Variants in TEP1 observed in about 807,000 individuals in gnomAD.
TEP1 encodes telomerase protein component 1.
TEP1 carries 241 observed loss-of-function variants against 306.3 expected under a neutral mutation model. The ratio of observed to expected loss-of-function variants is 0.79; its 90% confidence interval spans 0.71 to 0.88. The LOEUF is 0.88. Among genes scored for constraint, TEP1 ranks in the 40% least tolerant of loss-of-function variants. TEP1 has a pLI of 0.00. For synonymous variants in TEP1, 1,289 were observed against 1,305.5 expected, an observed-to-expected ratio of 0.99 and a Z score of 0.27; for missense variants, 3,051 against 3,276.1, an observed-to-expected ratio of 0.93 and a Z score of 1.68.
chr14:20,382,538 A>T lies in TEP1; in HGVS notation c.4140+85T>A, dbSNP rs2139060134. 7.0e-6 allele frequency: 11 copies of T among 1,564,874 alleles called. 2 individuals carry two copies. In the South Asian group the frequency reaches 1.2e-4, roughly 17 times the overall value. On this transcript the variant is annotated intron_variant, in intron 28 of 54. Coordinates refer to ENST00000262715, the MANE Select transcript of TEP1 (RefSeq NM_007110.5). The stretch of plus-strand genomic sequence containing the variant: ...GGGAGTGGGTGATCACAAGACAGCA[A>T]AGGACGTGGGATAGGGATGAGACAA...
intron 15 of TEP1, 150 bp from the exon 16 acceptor site, chr14:20,389,890 T>G: frequency 9.2e-7 from 1 of 1,083,492 alleles, no homozygotes; most frequent in Non-Finnish European, 1.3e-6. Flanking sequence ...AGCCACTGCA[T>G]TTTAACTTAC....
rs1324122219 is a variant in TEP1 at position 20,382,321 on chromosome 14, G to T, written c.4176C>A (p.Val1392=). The change falls in exon 29 of 55, where the codon GTC becomes GTA. Residue 1392 remains valine, a synonymous_variant. Coordinates refer to ENST00000262715, the MANE Select transcript of TEP1 (RefSeq NM_007110.5). The part of the protein sequence containing the change: ...SERLRTLPAT[V]PLLLQHILST... ...TCAGGATGTGCTGCAGCAGCAGGGG[G>T]ACAGTGGCAGGCAGGGTCCGGAGTC... The T allele has an allele frequency of 3.1e-6, 5 of 1,613,372 alleles. No homozygotes were observed. The South Asian group carries it at 4.4e-5, about 14-fold the overall frequency.
chr14:20,406,766 G>GA (rs1879210737), intron 2 of TEP1, among the ~76,000 whole-genome samples: 1 of 152,230 alleles, frequency 6.6e-6, no homozygotes, highest in Non-Finnish European at 1.5e-5. Context: ...TCCCCCAGCA[G>GA]CCTTGGGCTG....
intron 41 of TEP1, 50 bp downstream of exon 41, chr14:20,377,227 AAAG>A: frequency 6.2e-6 from 9 of 1,447,520 alleles, no homozygotes; most frequent in Non-Finnish European, 8.4e-6. Flanking sequence ...AAAAAAAAAA[AAAG>A]AAAAGAAAAG....
chr14:20,371,178 G>T (rs771313416), intron 51 of TEP1, 40 bp downstream of exon 51: 2 of 1,566,006 alleles, frequency 1.3e-6, no homozygotes, highest in South Asian at 2.2e-5. Context: ...ACTGGTCCTA[G>T]ACGAATGTTT....
chr14:20,368,456 T>A lies in TEP1; in HGVS notation c.7865A>T (p.Tyr2622Phe), dbSNP rs375404781. Residue 2622 changes from tyrosine (Y) to phenylalanine (F), a missense_variant, in exon 55 of 55, where the codon TAC (tyrosine) becomes TTC (phenylalanine). Tyr to Phe is a conservative substitution (Grantham distance 22, BLOSUM62 3). This residue lies in a region of TEP1 where 1,540 missense variants were observed against 1,705.9 expected (regional missense o/e 0.90). Transcript: ENST00000262715. Reference sequence around the variant, plus strand: ...ACATCTTCATTCCCAATTCAGAAAGTACACATTGCCCTGCACGTCTCCCAC... The same window carrying A: ...ACATCTTCATTCCCAATTCAGAAAGAACACATTGCCCTGCACGTCTCCCAC... ...LAVGDVQGNV[Y>F]FLNWE 80 of 1,614,020 alleles carry A rather than the reference T, an allele frequency of 5.0e-5. No individual in the cohort carries two copies. Among genetic ancestry groups the A allele is most frequent in the East Asian group, 2.7e-4 (12 of 44,900 alleles).
At chr14:20,397,479 A>T (rs1261316262) in intron 9 of TEP1, among the ~76,000 whole-genome samples, 2 of 152,180 alleles carry the variant, frequency 1.3e-5, no homozygotes, top group Admixed American at 1.3e-4. Context: ...ACTGCACTGC[A>T]GCCTGGGTGA....
At position 20,374,495 on chromosome 14, in the gene TEP1, T is replaced by A; in HGVS notation, c.6405A>T (p.Pro2135=). The change falls in exon 44 of 55, where the codon CCA becomes CCT. Residue 2135 remains proline, a synonymous_variant. Coordinates refer to ENST00000262715, the MANE Select transcript of TEP1 (RefSeq NM_007110.5). Reference sequence around the variant, plus strand: ...ACTGACCAAGCCGCTGTCCTGACTCTGGGTCCCAGAGCCCCACAGAGCCAT... The same window carrying A: ...ACTGACCAAGCCGCTGTCCTGACTCAGGGTCCCAGAGCCCCACAGAGCCAT... ...SSDGSVGLWD[P]ESGQRLGQFL... 6.2e-7 allele frequency: 1 copy of A among 1,613,596 alleles called. No homozygotes were observed. The highest frequency in any genetic ancestry group is 8.5e-7 in the Non-Finnish European group (1 of 1,179,944).
At position 20,368,395 on chromosome 14, in the gene TEP1, T is replaced by A; in HGVS notation, c.*42A>T. 6.3e-7 allele frequency: 1 copy of A among 1,597,478 alleles called. No homozygotes were observed. The highest frequency in any genetic ancestry group is 8.6e-7 in the Non-Finnish European group (1 of 1,166,666). ...GCTACCAGTGTCTTCAGGCTTTGCA[T>A]CTCTAGCACAAGGGGTATCATTATT... is the stretch of plus-strand genomic sequence containing the variant. On this transcript the variant is annotated 3_prime_UTR_variant, in exon 55 of 55. Coordinates refer to ENST00000262715, the MANE Select transcript of TEP1 (RefSeq NM_007110.5).
rs753769564 is a variant in TEP1, at chr14:20,385,015, A to G, written c.3077T>C (p.Leu1026Pro). 1.6e-5 allele frequency: 26 copies of G among 1,614,102 alleles called. No individual in the cohort carries two copies. Among genetic ancestry groups the G allele is most frequent in the Non-Finnish European group, 2.2e-5 (26 of 1,180,044 alleles). ...NQRLQPSAQA[L>P]IYFRDSSFLS... Reference sequence around the variant, plus strand: ...GAAGCTGGAATCCCGGAAGTAGATGAGAGCTTGGGCAGAGGGCTGCAGACG... The same window carrying G: ...GAAGCTGGAATCCCGGAAGTAGATGGGAGCTTGGGCAGAGGGCTGCAGACG... The change falls in exon 21 of 55, where the codon CTC becomes CCC. Residue 1026 changes from leucine to proline, a missense_variant. Coordinates refer to ENST00000262715, the MANE Select transcript of TEP1 (RefSeq NM_007110.5).
intron 12 of TEP1, among the ~76,000 whole-genome samples, chr14:20,392,338 G>C (rs1877798746): frequency 6.6e-6 from 1 of 152,216 alleles, no homozygotes; most frequent in African/African-American, 2.4e-5. Flanking sequence ...CTACTGTGGA[G>C]AGATTAGGCT....
chr14:20,404,844 T>A, intron 4 of TEP1, 72 bp from the exon 5 acceptor site: 1 of 1,507,220 alleles, frequency 6.6e-7, no homozygotes, highest in Non-Finnish European at 8.9e-7. Context: ...AATTACTTGC[T>A]GATTGAGTGT....
At chr14:20,398,344 C>CT (rs1878383594) in intron 9 of TEP1, among the ~76,000 whole-genome samples, 1 of 148,264 alleles carries the variant, frequency 6.7e-6, no homozygotes, top group South Asian at 2.1e-4. Flanking sequence ...CGCCATTGCA[C>CT]TCCAGCCTGG....
At position 20,377,994 on chromosome 14, in the gene TEP1, C is replaced by A. The variant is rs570744790; in HGVS notation, c.5721+30G>T. 9.3e-6 allele frequency: 15 copies of A among 1,609,918 alleles called. No homozygotes were observed. In the African/African-American group the frequency reaches 1.7e-4, roughly 19 times the overall value. On this transcript the variant is annotated intron_variant, in intron 39 of 54. Transcript: ENST00000262715. Reference sequence around the variant, plus strand: ...TCTTTGCCTTTGCTACTCCTCCTCACAACCCACCACCAGCCCTCTGCAAGC... The same window carrying A: ...TCTTTGCCTTTGCTACTCCTCCTCAAAACCCACCACCAGCCCTCTGCAAGC...
chr14:20,385,668 T>G, intron 20 of TEP1, among the ~76,000 whole-genome samples: 1 of 152,238 alleles, frequency 6.6e-6, no homozygotes, highest in East Asian at 1.9e-4. Context: ...CCACTGCACC[T>G]GGCCCTGTTA....
Position 20,373,812 on chromosome 14 carries a change from T to C in TEP1, c.6472-2A>G. On this transcript the variant is annotated splice_acceptor_variant, in intron 44 of 54. Transcript: ENST00000262715. LOFTEE classifies it high-confidence loss of function. The stretch of plus-strand genomic sequence containing the variant: ...GCTCACAGACACCACGTGCTCCTCC[T>C]GCCCACAGAGCACAAGATCAGAGCA... 1.2e-6 allele frequency: 2 copies of C among 1,612,536 alleles called. No individual in the cohort carries two copies. The highest frequency in any genetic ancestry group is 1.7e-6 in the Non-Finnish European group (2 of 1,179,756).
chr14:20,402,412 A>T (rs1878826942), intron 7 of TEP1, among the ~76,000 whole-genome samples: 1 of 152,240 alleles, frequency 6.6e-6, no homozygotes, highest in South Asian at 2.1e-4. Flanking sequence ...AGAAAAGACG[A>T]GTTGACCAAC....
At chr14:20,374,676 T>C (rs1885067423) in intron 43 of TEP1, 140 bp from the exon 44 acceptor site, 2 of 595,204 alleles carry the variant, frequency 3.4e-6, no homozygotes, top group Non-Finnish European at 5.9e-6. Context: ...GCTCTGTCAC[T>C]CATTACTTTC....
chr14:20,367,534 A>T lies in TEP1; in HGVS notation c.*903T>A, dbSNP rs923793947. ...CAATTACCATATTGACTAAAGTTGA[A>T]AGTCGTGTCAGAAGTTGGGAAAACC... On this transcript the variant is annotated 3_prime_UTR_variant, in exon 55 of 55. Transcript: ENST00000262715. 7 of 152,228 alleles carry T rather than the reference A, an allele frequency of 4.6e-5. No individual in the cohort carries two copies. Among genetic ancestry groups the T allele is most frequent in the African/African-American group, 1.7e-4 (7 of 41,544 alleles). The allele number at this position is 152,228 out of a possible 1,614,324, so 9.4% of individuals were successfully genotyped here. A position where few individuals can be genotyped will look rare whatever the true frequency, so the allele number is the denominator to read the frequency against.
Sources: gnomAD v4.1 joint callset for allele counts (sites outside exome capture counted in the v4.1 genomes callset) on GRCh38, gnomAD v4.1.1 for gene constraint, gnomAD v4.1.1 regional missense constraint, MANE v1.5 for transcripts, NCBI Gene and HGNC (gene_info 2026-07-23, HGNC 2026-07-21) for gene names.